The following ABHD12 variants were observed in gnomAD, a reference collection of about 807,000 sequenced individuals.
ABHD12 encodes abhydrolase domain containing 12, lysophospholipase.
Under a neutral mutation model 58.3 loss-of-function variants are expected in ABHD12, and 43 were observed. That is an observed-to-expected ratio of 0.74 (90% CI 0.58 to 0.95). The LOEUF (loss-of-function observed/expected upper bound fraction) is 0.95. Among genes scored for constraint, ABHD12 ranks in the 40% least tolerant of loss-of-function variants. ABHD12 has a pLI of 0.00. For missense variants in ABHD12, 539 were observed against 537.2 expected (o/e 1.00, Z -0.03); for synonymous variants, 219 against 211.2 (o/e 1.04, Z -0.32).
At chr20:25,298,840 C>T (rs554388416), downstream of ABHD12, among the ~76,000 whole-genome samples, 1 of 152,316 alleles carries the variant, frequency 6.6e-6, no homozygotes, top group South Asian at 2.1e-4. Flanking sequence ...GGCCTCAGAC[C>T]TGGTCGTGCA....
intron 1 of ABHD12, among the ~76,000 whole-genome samples, chr20:25,346,786 C>T (rs1190305395): frequency 2.6e-5 from 4 of 152,092 alleles, no homozygotes; most frequent in African/African-American, 9.7e-5. Flanking sequence ...GCTGGGACTA[C>T]AGGCGCCTGC....
chr20:25,296,170 T>C (rs1423416939), downstream of ABHD12, among the ~76,000 whole-genome samples: 1 of 152,138 alleles, frequency 6.6e-6, no homozygotes, highest in African/African-American at 2.4e-5. Flanking sequence ...CCTTGCTCCC[T>C]AGATCTAGAA....
chr20:25,356,995 TA>T (rs2089677669), intron 1 of ABHD12, among the ~76,000 whole-genome samples: 1 of 152,066 alleles, frequency 6.6e-6, no homozygotes, highest in African/African-American at 2.4e-5. Context: ...AAAGACACAG[TA>T]AACTGAACTA....
intron 1 of ABHD12, chr20:25,368,772 A>T (rs1054819287): frequency 4.0e-5 from 34 of 860,694 alleles, no homozygotes; most frequent in Non-Finnish European, 1.4e-5. Flanking sequence ...ACCATGGCTG[A>T]TAGTACAGGG....
intron 2 of ABHD12, among the ~76,000 whole-genome samples, chr20:25,327,466 C>CA (rs566529626): frequency 0.084 from 8,521 of 101,404 alleles, 516 homozygotes; most frequent in African/African-American, 0.2. Context: ...GACTCCGTCT[C>CA]AAAAAAAAAA....
chr20:25,358,968 T>C (rs947260807), intron 1 of ABHD12, among the ~76,000 whole-genome samples: 1 of 152,290 alleles, frequency 6.6e-6, no homozygotes, highest in African/African-American at 2.4e-5. Context: ...TGTGAAAAGT[T>C]ATAACCAAAA....
intron 1 of ABHD12, among the ~76,000 whole-genome samples, chr20:25,372,867 C>T (rs2089915797): frequency 6.6e-6 from 1 of 152,228 alleles, no homozygotes; most frequent in Admixed American, 6.5e-5. Flanking sequence ...ACTCACCACT[C>T]ACTCACTGAC....
chr20:25,308,975 G>GA (rs1428909169), intron 7 of ABHD12, among the ~76,000 whole-genome samples: 1 of 152,152 alleles, frequency 6.6e-6, no homozygotes, highest in Non-Finnish European at 1.5e-5. Flanking sequence ...GGGCTGCCCC[G>GA]AAGGGAAAGG....
chr20:25,370,634 A>C (rs1333731086), intron 1 of ABHD12, among the ~76,000 whole-genome samples: 1 of 152,164 alleles, frequency 6.6e-6, no homozygotes, highest in Non-Finnish European at 1.5e-5. Flanking sequence ...TGGAGATGGC[A>C]GGTCTGCCAC....
rs991657730 is a variant in ABHD12 at position 25,381,566 on chromosome 20, C to T, written c.191+8947G>A. 3.3e-5 allele frequency among the ~76,000 whole-genome samples: 5 copies of T among 151,590 alleles called. No homozygotes were observed. The East Asian group carries it at 9.7e-4, about 29-fold the overall frequency. ...AAGCCAGACTCTTAATTGTTTGGGG[C>T]AGAAAAGGGTAGAAGAAAATCCTTC... On this transcript the variant is annotated intron_variant, in intron 1 of 12. Coordinates refer to ENST00000339157, the MANE Select transcript of ABHD12 (RefSeq NM_001042472.3).
chr20:25,312,904 G>A (rs1447844666), intron 6 of ABHD12, among the ~76,000 whole-genome samples: 2 of 150,284 alleles, frequency 1.3e-5, no homozygotes, highest in Non-Finnish European at 3.0e-5. Flanking sequence ...CCCTCCGCCC[G>A]GCAGCCGCCC....
intron 2 of ABHD12, among the ~76,000 whole-genome samples, chr20:25,336,809 G>A (rs1486998151): frequency 6.6e-6 from 1 of 152,202 alleles, no homozygotes. Context: ...GGACAGCGGG[G>A]CCTGGAGATG....
chr20:25,346,809 C>A (rs2089525363), intron 1 of ABHD12, among the ~76,000 whole-genome samples: 1 of 152,054 alleles, frequency 6.6e-6, no homozygotes, highest in Non-Finnish European at 1.5e-5. Context: ...CCAAGCCCAG[C>A]TAATTTTTTG....
intron 1 of ABHD12, among the ~76,000 whole-genome samples, chr20:25,379,155 T>C (rs981604189): frequency 1.3e-5 from 2 of 152,176 alleles, no homozygotes; most frequent in African/African-American, 4.8e-5. Context: ...AGGGACCCCG[T>C]GCAGGCTTCC....
chr20:25,320,330 A>T lies in ABHD12; in HGVS notation c.423-12T>A, dbSNP rs751113556. The stretch of plus-strand genomic sequence containing the variant: ...CAGGGACGGTGTGCCTGCAGACAGA[A>T]GCAGAGGGGAGCGCAGGATCAGATG... On this transcript the variant is annotated splice_polypyrimidine_tract_variant and intron_variant, in intron 3 of 12. Transcript: ENST00000339157. 6.2e-7 allele frequency: 1 copy of T among 1,612,990 alleles called. No homozygotes were observed. Among genetic ancestry groups the T allele is most frequent in the Non-Finnish European group, 8.5e-7 (1 of 1,180,016 alleles).
At chr20:25,345,402 T>C (rs1470194158) in intron 1 of ABHD12, among the ~76,000 whole-genome samples, 1 of 152,122 alleles carries the variant, frequency 6.6e-6, no homozygotes, top group African/African-American at 2.4e-5. Flanking sequence ...ACTTCTTAGA[T>C]ACAAAACCAC....
At chr20:25,382,606 C>T (rs6076340) in intron 1 of ABHD12, among the ~76,000 whole-genome samples, 10,060 of 152,190 alleles carry the variant, frequency 0.066, 441 homozygotes, top group Admixed American at 0.1. Context: ...CTGTCTCCAT[C>T]GCTGTTAGCA....
chr20:25,306,681 A>AGG (rs1366935735), intron 10 of ABHD12, 152 bp downstream of exon 10: 1 of 612,812 alleles, frequency 1.6e-6, no homozygotes, highest in Non-Finnish European at 2.9e-6. Flanking sequence ...GGTCCCTAGC[A>AGG]GGCTTTCCCT....
intron 1 of ABHD12, among the ~76,000 whole-genome samples, chr20:25,364,493 C>CA (rs975595737): frequency 3.3e-5 from 5 of 152,122 alleles, no homozygotes; most frequent in Non-Finnish European, 7.4e-5. Context: ...TACAGGAACT[C>CA]AGAGTCAGAA....
Sources: allele counts gnomAD v4.1 joint callset (sites outside exome capture counted in the v4.1 genomes callset), GRCh38; gene constraint gnomAD v4.1.1; transcripts MANE v1.5; gene names NCBI Gene and HGNC (gene_info 2026-07-23, HGNC 2026-07-21).